The following FOXK1 variants were observed in gnomAD, a reference collection of about 807,000 sequenced individuals.
The protein encoded by FOXK1 is forkhead box protein K1.
A neutral mutation model predicts 51.9 loss-of-function variants in FOXK1; 19 were observed. The ratio of observed to expected loss-of-function variants is 0.37; its 90% CI spans 0.26 to 0.54. The LOEUF is 0.54. Among genes scored for constraint, FOXK1 ranks in the 20% least tolerant of loss-of-function variants. The pLI, the probability that FOXK1 is intolerant of heterozygous loss-of-function variation, is 0.87. For missense variants in FOXK1, 870 were observed against 1,032.7 expected (o/e 0.84, Z 2.16); for synonymous variants, 537 against 482.6 (o/e 1.11, Z -1.48).
At chr7:4,742,073 C>T (rs377479859) in intron 2 of FOXK1, among the ~76,000 whole-genome samples, 100 of 152,392 alleles carry the variant, frequency 6.6e-4, no homozygotes, top group African/African-American at 2.4e-3. Flanking sequence ...TGCGTGGCTG[C>T]GCGTGGTTTG....
chr7:4,740,385 G>A lies in FOXK1; in HGVS notation c.561-453G>A, dbSNP rs1484241505. 8.0e-5 allele frequency among the ~76,000 whole-genome samples: 12 copies of A among 149,198 alleles called. No individual in the cohort carries two copies. In the South Asian group the frequency reaches 1.7e-3, roughly 21 times the overall value. On this transcript the variant is annotated intron_variant, in intron 1 of 8. Transcript: ENST00000328914. ...GCGGAGCTTGCAGTGAGCTGAGATC[G>A]TGTCCCTGCACTCCAGCCTGGGCGA... is the stretch of plus-strand genomic sequence containing the variant.
rs547311441 is a variant in FOXK1 at position 4,682,950 on chromosome 7, C to T, written c.560+82C>T. On this transcript the variant is annotated intron_variant, in intron 1 of 8. Transcript: ENST00000328914. This position sits in a 1 kb window ranked among gnomAD's most constrained non-coding sequence, Gnocchi z 7.6. ...CTCTGAGGCCCGGGCCTGGGGATCCCCCTCCAGCTTCCTCGGCCTCGACCC... is the reference window on the plus strand; with the variant it reads ...CTCTGAGGCCCGGGCCTGGGGATCCTCCTCCAGCTTCCTCGGCCTCGACCC... 1 of 1,323,388 alleles carries T rather than the reference C, an allele frequency of 7.6e-7. No individual in the cohort carries two copies. Among genetic ancestry groups the T allele is most frequent in the South Asian group, 1.6e-5 (1 of 62,874 alleles). 82.0% of individuals were successfully genotyped at this position (1,323,388 alleles called of 1,614,324 possible). A position where few individuals can be genotyped will look rare whatever the true frequency, so the allele number is the denominator to read the frequency against.
At chr7:4,704,434 G>A (rs1024305988) in intron 1 of FOXK1, among the ~76,000 whole-genome samples, 1 of 134,822 alleles carries the variant, frequency 7.4e-6, no homozygotes, top group Non-Finnish European at 1.5e-5. Context: ...CTGGGCAACA[G>A]AGTGAGACTC....
intron 1 of FOXK1, among the ~76,000 whole-genome samples, chr7:4,721,677 C>T (rs376229536): frequency 6.8e-6 from 1 of 146,658 alleles, no homozygotes; most frequent in Non-Finnish European, 1.5e-5. Context: ...TGCAACCTCT[C>T]CCTCCTGGAT....
At position 4,768,014 on chromosome 7, in the gene FOXK1, C is replaced by G. The variant is rs997426712; in HGVS notation, c.*5550C>G. 1.3e-5 allele frequency: 2 copies of G among 152,086 alleles called. No individual in the cohort carries two copies. The highest frequency in any genetic ancestry group is 2.9e-5 in the Non-Finnish European group (2 of 68,056). 9.4% of individuals were successfully genotyped at this position (152,086 alleles called of 1,614,324 possible). ...TCCTTTCCTCTGTCCTCCCTGTCAC[C>G]CAAACCCCGAAGTCACAGCTGCTTA... On this transcript the variant is annotated 3_prime_UTR_variant, in exon 9 of 9. Coordinates refer to ENST00000328914, the MANE Select transcript of FOXK1 (RefSeq NM_001037165.2).
At chr7:4,697,365 A>G (rs1032972438) in intron 1 of FOXK1, among the ~76,000 whole-genome samples, 1 of 152,220 alleles carries the variant, frequency 6.6e-6, no homozygotes, top group Non-Finnish European at 1.5e-5. Flanking sequence ...TTTTCAGATC[A>G]GGGTAGCCAG....
rs576464193 is a variant in FOXK1 at position 4,734,628 on chromosome 7, G to T, written c.561-6210G>T. 1.3e-5 allele frequency among the ~76,000 whole-genome samples: 2 copies of T among 152,318 alleles called. No homozygotes were observed. The highest frequency in any genetic ancestry group is 4.8e-5 in the African/African-American group (2 of 41,578). ...GGGGCTCCCTCCCTGGGGCTTCATG[G>T]GGGGCTCAGGAAGGCTGGGTCTCAG... On this transcript the variant is annotated intron_variant, in intron 1 of 8. Coordinates refer to ENST00000328914, the MANE Select transcript of FOXK1 (RefSeq NM_001037165.2). This position sits in a 1 kb window ranked among gnomAD's most constrained non-coding sequence, Gnocchi z 5.2.
rs1248709765 is a variant in FOXK1, at chr7:4,762,663, G to C, written c.*199G>C. On this transcript the variant is annotated 3_prime_UTR_variant, in exon 9 of 9. Coordinates refer to ENST00000328914, the MANE Select transcript of FOXK1 (RefSeq NM_001037165.2). The surrounding 1 kb of genome is among the most constrained non-coding windows in gnomAD (Gnocchi z 5.7). ...GTTTAAGACAAAAACACATAAACAA[G>C]TTCAGACAACTGATTGTATGATTCT... is the stretch of plus-strand genomic sequence containing the variant. 1.7e-6 allele frequency: 1 copy of C among 584,540 alleles called. No individual in the cohort carries two copies. The highest frequency in any genetic ancestry group is 3.0e-6 in the Non-Finnish European group (1 of 329,132). 36.2% of individuals were successfully genotyped at this position (584,540 alleles called of 1,614,324 possible). A position where few individuals can be genotyped will look rare whatever the true frequency, so the allele number is the denominator to read the frequency against.
chr7:4,714,015 G>C (rs533506834), intron 1 of FOXK1, among the ~76,000 whole-genome samples: 2 of 149,830 alleles, frequency 1.3e-5, no homozygotes, highest in Non-Finnish European at 3.0e-5. Flanking sequence ...TAGTAGAGAC[G>C]AGGTTTCACT....
intron 1 of FOXK1, among the ~76,000 whole-genome samples, chr7:4,692,518 C>T (rs955265971): frequency 6.6e-6 from 1 of 152,180 alleles, no homozygotes; most frequent in African/African-American, 2.4e-5. Flanking sequence ...GCCTCAGCCT[C>T]CCGAGTAGCT....
rs1195123386 is a variant in FOXK1 at position 4,731,089 on chromosome 7, G to A, written c.561-9749G>A. Reference sequence around the variant, plus strand: ...CAGGGCCTCCGGCATTCCAGTTTCAGGCCTTATCTGATGTGGCCCACCCTG... The same window carrying A: ...CAGGGCCTCCGGCATTCCAGTTTCAAGCCTTATCTGATGTGGCCCACCCTG... On this transcript the variant is annotated intron_variant, in intron 1 of 8. Coordinates refer to ENST00000328914, the MANE Select transcript of FOXK1 (RefSeq NM_001037165.2). This position sits in a 1 kb window ranked among gnomAD's most constrained non-coding sequence, Gnocchi z 5.3. 6.6e-6 allele frequency among the ~76,000 whole-genome samples: 1 copy of A among 152,184 alleles called. No individual in the cohort carries two copies. The highest frequency in any genetic ancestry group is 2.4e-5 in the African/African-American group (1 of 41,448).
Position 4,758,837 on chromosome 7 carries a change from G to A in FOXK1, c.1245-214G>A, listed in dbSNP as rs1480681526. On this transcript the variant is annotated intron_variant, in intron 5 of 8. Coordinates refer to ENST00000328914, the MANE Select transcript of FOXK1 (RefSeq NM_001037165.2). This position sits in a 1 kb window ranked among gnomAD's most constrained non-coding sequence, Gnocchi z 4.4. ...TCACATGATACCGTCCCCTCTCATG[G>A]AACGGAGCCTCCCCCATGCAGCCCC... is the stretch of plus-strand genomic sequence containing the variant. The A allele has an allele frequency of 1.7e-6, 1 of 585,256 alleles. No individual in the cohort carries two copies. The highest frequency in any genetic ancestry group is 1.9e-5 in the African/African-American group (1 of 52,704). The allele number at this position is 585,256 out of a possible 1,614,324, so 36.3% of individuals were successfully genotyped here.
Position 4,755,742 on chromosome 7 carries a change from A to G in FOXK1, c.1050+359A>G, listed in dbSNP as rs1023908385. On this transcript the variant is annotated intron_variant, in intron 4 of 8. Coordinates refer to ENST00000328914, the MANE Select transcript of FOXK1 (RefSeq NM_001037165.2). The surrounding 1 kb of genome is among the most constrained non-coding windows in gnomAD (Gnocchi z 6.6). ...AAAGACCCTGTGTCTACAAAGAAAAAAAATATCTTTTTAACTAAGAAGATA... is the reference window on the plus strand; with the variant it reads ...AAAGACCCTGTGTCTACAAAGAAAAGAAATATCTTTTTAACTAAGAAGATA... Among the ~76,000 whole-genome samples the G allele has an allele frequency of 6.6e-6, 1 of 152,232 alleles. No individual in the cohort carries two copies. The highest frequency in any genetic ancestry group is 1.5e-5 in the Non-Finnish European group (1 of 68,040).
intron 1 of FOXK1, among the ~76,000 whole-genome samples, chr7:4,698,688 G>C (rs1477448430): frequency 6.6e-6 from 1 of 151,980 alleles, no homozygotes; most frequent in Non-Finnish European, 1.5e-5. Context: ...GAGTGGCTGG[G>C]ACTACAGGCA....
At chr7:4,720,323 C>T (rs574484857) in intron 1 of FOXK1, among the ~76,000 whole-genome samples, 4 of 65,686 alleles carry the variant, frequency 6.1e-5, no homozygotes, top group South Asian at 4.2e-4. Context: ...GATTCAGTGA[C>T]ATGCATGGGA....
Position 4,755,011 on chromosome 7 carries a change from G to A in FOXK1, c.904-226G>A. The A allele has an allele frequency of 3.4e-6, 2 of 587,336 alleles. No individual in the cohort carries two copies. The highest frequency in any genetic ancestry group is 2.2e-5 in the South Asian group (1 of 44,804). 36.4% of individuals were successfully genotyped at this position (587,336 alleles called of 1,614,324 possible). ...TTTCTGGAAGAGGTGAGAAATTTCA[G>A]AATTAAATTATAATAAAACCGAAGT... On this transcript the variant is annotated intron_variant, in intron 3 of 8. Coordinates refer to ENST00000328914, the MANE Select transcript of FOXK1 (RefSeq NM_001037165.2). This position sits in a 1 kb window ranked among gnomAD's most constrained non-coding sequence, Gnocchi z 6.6.
Position 4,734,731 on chromosome 7 carries a change from C to T in FOXK1, c.561-6107C>T, listed in dbSNP as rs1377329121. On this transcript the variant is annotated intron_variant, in intron 1 of 8. Transcript: ENST00000328914. This position sits in a 1 kb window ranked among gnomAD's most constrained non-coding sequence, Gnocchi z 5.2. ...TGGGGGGCTGAGAGCCTCTGGTCCTCCTGCAGAATTTCAGGTCGCAAGGCT... is the reference window on the plus strand; with the variant it reads ...TGGGGGGCTGAGAGCCTCTGGTCCTTCTGCAGAATTTCAGGTCGCAAGGCT... 6.6e-6 allele frequency among the ~76,000 whole-genome samples: 1 copy of T among 152,204 alleles called. No homozygotes were observed. The highest frequency in any genetic ancestry group is 2.4e-5 in the African/African-American group (1 of 41,452).
Position 4,715,122 on chromosome 7 carries a change from G to T in FOXK1, c.561-25716G>T, listed in dbSNP as rs1346364102. On this transcript the variant is annotated intron_variant, in intron 1 of 8. Coordinates refer to ENST00000328914, the MANE Select transcript of FOXK1 (RefSeq NM_001037165.2). The surrounding 1 kb of genome is among the most constrained non-coding windows in gnomAD (Gnocchi z 4.5). ...ATTCAAAGCCAGTGCAGCTGGAATT[G>T]TGATATAGTGCACGGTGGAATTGTG... 7.0e-6 allele frequency among the ~76,000 whole-genome samples: 1 copy of T among 143,334 alleles called. No individual in the cohort carries two copies. The highest frequency in any genetic ancestry group is 1.5e-5 in the Non-Finnish European group (1 of 66,292). The allele number at this position is 143,334 out of a possible 152,430, so 94.0% of individuals were successfully genotyped here.
Position 4,753,270 on chromosome 7 carries a change from G to A in FOXK1, c.747-1189G>A, listed in dbSNP as rs1002835515. ...ATCCAAAAAATGTTTCTTGAGCCCC[G>A]CCTGCACCCAAGGGGGCTCCTACTT... On this transcript the variant is annotated intron_variant, in intron 2 of 8. Coordinates refer to ENST00000328914, the MANE Select transcript of FOXK1 (RefSeq NM_001037165.2). The surrounding 1 kb of genome is among the most constrained non-coding windows in gnomAD (Gnocchi z 4.9). 2.6e-5 allele frequency among the ~76,000 whole-genome samples: 4 copies of A among 152,140 alleles called. No individual in the cohort carries two copies. Among genetic ancestry groups the A allele is most frequent in the South Asian group, 4.1e-4 (2 of 4,828 alleles).
Sources: allele counts gnomAD v4.1 joint callset (sites outside exome capture counted in the v4.1 genomes callset), GRCh38; gene constraint gnomAD v4.1.1; non-coding constraint Gnocchi (gnomAD v3.1); transcripts MANE v1.5; gene names NCBI Gene and HGNC (gene_info 2026-07-23, HGNC 2026-07-21).